Variants in HS3ST1 observed in about 807,000 individuals in gnomAD.
HS3ST1 encodes heparan sulfate-glucosamine 3-sulfotransferase 1.
Under a neutral mutation model 20.7 loss-of-function variants are expected in HS3ST1, and 8 were observed. The observed-to-expected ratio is 0.39, with a 90% CI of 0.23 to 0.70. The LOEUF (loss-of-function observed/expected upper bound fraction) is 0.70, where lower values mean the gene tolerates loss of function less well. Among genes scored for constraint, HS3ST1 ranks in the 30% least tolerant of loss-of-function variants. HS3ST1 has a pLI of 0.46. For synonymous variants in HS3ST1, 205 were observed against 190.4 expected (o/e 1.08, Z -0.63); for missense variants, 436 against 423.4 (o/e 1.03, Z -0.26).
intron 1 of HS3ST1, among the ~76,000 whole-genome samples, chr4:11,422,111 T>C (rs7674470): frequency 0.55 from 83,576 of 152,170 alleles, 23,470 homozygotes; most frequent in African/African-American, 0.65. Flanking sequence ...ATGCCAGTTA[T>C]TCAGCTGGAC....
rs1718101233 is a variant in HS3ST1 at position 11,395,091 on chromosome 4, C to A, written c.*3991G>T. The stretch of plus-strand genomic sequence containing the variant: ...CCTCTACCCTCTACCCCCAGCCTCT[C>A]CCCGTGACCACTGTCTTCATGTCTC... On this transcript the variant is annotated 3_prime_UTR_variant, in exon 2 of 2. Coordinates refer to ENST00000002596, the MANE Select transcript of HS3ST1 (RefSeq NM_005114.4). 1 of 152,228 alleles carries A rather than the reference C, an allele frequency of 6.6e-6. No homozygotes were observed. 9.4% of individuals were successfully genotyped at this position (152,228 alleles called of 1,614,324 possible). A position where few individuals can be genotyped will look rare whatever the true frequency, so the allele number is the denominator to read the frequency against.
At chr4:11,410,151 C>T (rs1049583932) in intron 1 of HS3ST1, among the ~76,000 whole-genome samples, 21 of 152,166 alleles carry the variant, frequency 1.4e-4, no homozygotes, top group South Asian at 4.1e-4. Context: ...AAGACATCTA[C>T]GATGTTTCTA....
intron 1 of HS3ST1, among the ~76,000 whole-genome samples, chr4:11,410,306 C>T (rs1718584057): frequency 6.6e-6 from 1 of 152,156 alleles, no homozygotes; most frequent in Admixed American, 6.5e-5. Flanking sequence ...CTCAAGAGCC[C>T]AGAGGAAAGA....
At chr4:11,428,215 C>T (rs1265858278) in intron 1 of HS3ST1, among the ~76,000 whole-genome samples, 1 of 152,224 alleles carries the variant, frequency 6.6e-6, no homozygotes, top group African/African-American at 2.4e-5. Context: ...CAAAGGCAAA[C>T]CCGACCAAGG....
rs1039498265 is a variant in HS3ST1, at chr4:11,398,777, C to CA, written c.*304dup. 9.8e-6 allele frequency: 2 copies of CA among 204,442 alleles called. No homozygotes were observed. The highest frequency in any genetic ancestry group is 1.9e-5 in the Non-Finnish European group (2 of 106,864). 12.7% of individuals were successfully genotyped at this position (204,442 alleles called of 1,614,324 possible). On this transcript the variant is annotated 3_prime_UTR_variant, in exon 2 of 2. Coordinates refer to ENST00000002596, the MANE Select transcript of HS3ST1 (RefSeq NM_005114.4). ...GAGTTGGGGGCAAGTTAATTATATT[C>CA]AAAAAAACATAGCGTCTCCAGAAAA...
chr4:11,428,039 C>T (rs979100212), intron 1 of HS3ST1, among the ~76,000 whole-genome samples: 22 of 152,318 alleles, frequency 1.4e-4, no homozygotes, highest in African/African-American at 4.8e-4. Context: ...GCTGCCACTA[C>T]CCAAGGGCCC....
Position 11,399,474 on chromosome 4 carries a change from G to C in HS3ST1, c.532C>G (p.Leu178Val). The C allele has an allele frequency of 6.2e-7, 1 of 1,614,032 alleles. No individual in the cohort carries two copies. The highest frequency in any genetic ancestry group is 8.5e-7 in the Non-Finnish European group (1 of 1,180,000). Reference protein sequence around the residue: ...HKPYPSIEEFLVRDGRLNVDY... With the variant: ...HKPYPSIEEFVVRDGRLNVDY... ...ACATTGAGCCTGCCATCGCGCACCA[G>C]GAACTCCTCGATGGACGGGTAGGGC... Residue 178 changes from leucine (L) to valine (V), a missense_variant, in exon 2 of 2, where the codon CTG becomes GTG. By Grantham distance (32) the Leu-to-Val change is conservative (BLOSUM62 1). Transcript: ENST00000002596. The surrounding 1 kb of genome is among the most constrained non-coding windows in gnomAD (Gnocchi z 5.1).
At chr4:11,433,018 T>C (rs2108895681), upstream of HS3ST1, among the ~76,000 whole-genome samples, 1 of 152,358 alleles carries the variant, frequency 6.6e-6, no homozygotes, top group South Asian at 2.1e-4. Context: ...TTGGCATATG[T>C]GGTTATGAGG....
chr4:11,399,138 G>T lies in HS3ST1; in HGVS notation c.868C>A (p.His290Asn). The change falls in exon 2 of 2, where the codon CAT (histidine) becomes AAT (asparagine). Residue 290 changes from histidine (H) to asparagine (N), a missense_variant. Physicochemically the swap from His to Asn is moderately conservative, Grantham distance 68. Coordinates refer to ENST00000002596, the MANE Select transcript of HS3ST1 (RefSeq NM_005114.4). The surrounding 1 kb of genome is among the most constrained non-coding windows in gnomAD (Gnocchi z 5.1). ...KLLNKLHEYF[H>N]EPNKKFFELV... ...TCGAAGAACTTCTTATTTGGCTCAT[G>T]AAAATATTCGTGCAGTTTATTGAGT... 1 of 1,614,102 alleles carries T rather than the reference G, an allele frequency of 6.2e-7. No homozygotes were observed. Among genetic ancestry groups the T allele is most frequent in the South Asian group, 1.1e-5 (1 of 91,082 alleles).
At chr4:11,410,470 T>C (rs575333553) in intron 1 of HS3ST1, among the ~76,000 whole-genome samples, 2 of 152,110 alleles carry the variant, frequency 1.3e-5, no homozygotes, top group South Asian at 2.1e-4. Flanking sequence ...CCAAATGGGG[T>C]ACAAGGAAAG....
At chr4:11,417,590 TTAAACA>T (rs1477339294) in intron 1 of HS3ST1, among the ~76,000 whole-genome samples, 8 of 152,172 alleles carry the variant, frequency 5.3e-5, no homozygotes, top group African/African-American at 1.7e-4. Context: ...AGTCCTGCAC[TTAAACA>T]TTAATATTAT....
rs1405427315 is a variant in HS3ST1 at position 11,396,000 on chromosome 4, A to C, written c.*3082T>G. ...GGTTCCTGTTGTATTTTCTTTTTAT[A>C]TTCTTGAGGACTCAATACCATGTTG... On this transcript the variant is annotated 3_prime_UTR_variant, in exon 2 of 2. Transcript: ENST00000002596. 1 of 152,178 alleles carries C rather than the reference A, an allele frequency of 6.6e-6. No homozygotes were observed. Among genetic ancestry groups the C allele is most frequent in the Non-Finnish European group, 1.5e-5 (1 of 68,028 alleles). The allele number at this position is 152,178 out of a possible 1,614,324, so 9.4% of individuals were successfully genotyped here.
At chr4:11,425,362 C>A (rs1022031173) in intron 1 of HS3ST1, among the ~76,000 whole-genome samples, 6 of 152,122 alleles carry the variant, frequency 3.9e-5, no homozygotes, top group African/African-American at 1.4e-4. Flanking sequence ...TGACTTTTCT[C>A]CTTTTTTAAA....
At chr4:11,422,636 T>C (rs1364395377) in intron 1 of HS3ST1, among the ~76,000 whole-genome samples, 3 of 151,492 alleles carry the variant, frequency 2.0e-5, no homozygotes, top group African/African-American at 7.3e-5. Flanking sequence ...AACTGCCTTG[T>C]GAACGACAAT....
At chr4:11,432,901 T>G (rs1719232399), upstream of HS3ST1, among the ~76,000 whole-genome samples, 1 of 152,204 alleles carries the variant, frequency 6.6e-6, no homozygotes, top group Non-Finnish European at 1.5e-5. Flanking sequence ...CAATTTTGTC[T>G]CTGTGTATGT....
chr4:11,412,753 A>T (rs2108885760), intron 1 of HS3ST1, among the ~76,000 whole-genome samples: 1 of 152,306 alleles, frequency 6.6e-6, no homozygotes, highest in South Asian at 2.1e-4. Flanking sequence ...ACTGAGAAAT[A>T]ATCTATGAAG....
chr4:11,409,255 G>A (rs1380505695), intron 1 of HS3ST1, among the ~76,000 whole-genome samples: 1 of 152,178 alleles, frequency 6.6e-6, no homozygotes, highest in African/African-American at 2.4e-5. Context: ...AAAGTAAATT[G>A]TTTCCCCTGA....
rs1279152910 is a variant in HS3ST1, at chr4:11,395,951, C to T, written c.*3131G>A. 2 of 152,150 alleles carry T rather than the reference C, an allele frequency of 1.3e-5. No individual in the cohort carries two copies. The highest frequency in any genetic ancestry group is 4.8e-5 in the African/African-American group (2 of 41,424). The allele number at this position is 152,150 out of a possible 1,614,324, so 9.4% of individuals were successfully genotyped here. ...GACCCTCTGTACTTTTATTAAAGTC[C>T]AGAACAAACAGTTAATGACTACTGG... On this transcript the variant is annotated 3_prime_UTR_variant, in exon 2 of 2. Coordinates refer to ENST00000002596, the MANE Select transcript of HS3ST1 (RefSeq NM_005114.4).
At chr4:11,430,354 G>A (rs542219923), upstream of HS3ST1, among the ~76,000 whole-genome samples, 2 of 152,264 alleles carry the variant, frequency 1.3e-5, no homozygotes, top group South Asian at 4.1e-4. Context: ...GAAAGCCTTA[G>A]CATTTAAACT....
Sources: allele counts gnomAD v4.1 joint callset (sites outside exome capture counted in the v4.1 genomes callset), GRCh38; gene constraint gnomAD v4.1.1; non-coding constraint Gnocchi (gnomAD v3.1); transcripts MANE v1.5; gene names NCBI Gene and HGNC (gene_info 2026-07-23, HGNC 2026-07-21).